LIPC: variants seen among roughly 807,000 people sequenced by gnomAD.
The protein encoded by LIPC is lipase C, hepatic type.
LIPC carries 44 observed loss-of-function variants against 50.7 expected under a neutral mutation model. The ratio of observed to expected loss-of-function variants is 0.87; its 90% CI spans 0.68 to 1.11. The LOEUF (loss-of-function observed/expected upper bound fraction) is 1.11, where lower values mean the gene tolerates loss of function less well. LIPC is among the 50% of genes most tolerant of loss of function. LIPC has a pLI of 0.00. For synonymous variants in LIPC, 271 were observed against 256.4 expected (o/e 1.06, Z -0.54); for missense variants, 697 against 648.2 (o/e 1.08, Z -0.82).
At chr15:58,496,970 C>G (rs1891793983) in intron 1 of LIPC, among the ~76,000 whole-genome samples, 1 of 152,174 alleles carries the variant, frequency 6.6e-6, no homozygotes. Context: ...CAGGCATAAG[C>G]CACCGCGCCC....
intron 1 of LIPC, among the ~76,000 whole-genome samples, chr15:58,487,332 G>A (rs1891413919): frequency 6.6e-6 from 1 of 152,184 alleles, no homozygotes; most frequent in Non-Finnish European, 1.5e-5. Flanking sequence ...CTCACAGTGA[G>A]GATTAAACGA....
At chr15:58,533,311 C>T (rs890411913) in intron 1 of LIPC, 1 of 258,662 alleles carries the variant, frequency 3.9e-6, no homozygotes, top group South Asian at 1.5e-4. Context: ...TGAGTCAATA[C>T]AAATAAGACT....
In LIPC at chr15:58,551,869, C is replaced by G. The variant is rs142884409; in HGVS notation, c.1051+3297C>G. Reference sequence around the variant, plus strand: ...TAACTTGGCCTGAATTCCTCTGGCTCCCAAGATATTTCGACAAAACCATCA... The same window carrying G: ...TAACTTGGCCTGAATTCCTCTGGCTGCCAAGATATTTCGACAAAACCATCA... On this transcript the variant is annotated intron_variant, in intron 6 of 8. Transcript: ENST00000299022. Among the ~76,000 whole-genome samples, 1,016 of 152,266 alleles carry G rather than the reference C, an allele frequency of 6.7e-3. 13 individuals carry two copies. The highest frequency in any genetic ancestry group is 0.023 in the African/African-American group (966 of 41,542).
At chr15:58,501,765 A>C (rs1409563576) in intron 1 of LIPC, among the ~76,000 whole-genome samples, 1 of 152,074 alleles carries the variant, frequency 6.6e-6, no homozygotes, top group African/African-American at 2.4e-5. Context: ...AAGCAAACCC[A>C]AATTTCTTTC....
chr15:58,493,405 G>T (rs1377321188), intron 1 of LIPC, among the ~76,000 whole-genome samples: 2 of 151,944 alleles, frequency 1.3e-5, no homozygotes, highest in Non-Finnish European at 2.9e-5. Flanking sequence ...GACTCCATAT[G>T]TGCCTGGCCC....
At chr15:58,542,054 C>A in intron 3 of LIPC, 87 bp downstream of exon 3, 1 of 1,407,548 alleles carries the variant, frequency 7.1e-7, no homozygotes, top group Non-Finnish European at 9.7e-7. Context: ...TCTCCAACAG[C>A]AGCCCAGGCA....
At chr15:58,553,366 T>C (rs1595947671) in intron 6 of LIPC, among the ~76,000 whole-genome samples, 2 of 152,100 alleles carry the variant, frequency 1.3e-5, no homozygotes, top group Non-Finnish European at 2.9e-5. Flanking sequence ...GAGGCCAAGG[T>C]GGGAGGATCT....
intron 1 of LIPC, among the ~76,000 whole-genome samples, chr15:58,467,380 A>G (rs1595873667): frequency 6.6e-6 from 1 of 152,160 alleles, no homozygotes; most frequent in Non-Finnish European, 1.5e-5. Context: ...TTGAGCTCAC[A>G]GTGCCTGATT....
At chr15:58,533,980 C>T (rs1893037337) in intron 1 of LIPC, among the ~76,000 whole-genome samples, 1 of 152,138 alleles carries the variant, frequency 6.6e-6, no homozygotes, top group Non-Finnish European at 1.5e-5. Flanking sequence ...CAGTAGGCCA[C>T]TGGGCAGACA....
intron 1 of LIPC, among the ~76,000 whole-genome samples, chr15:58,461,675 C>T (rs1191634616): frequency 6.6e-6 from 1 of 151,934 alleles, no homozygotes; most frequent in East Asian, 1.9e-4. Context: ...GCCTTGGCCT[C>T]CCAGAATGCT....
chr15:58,483,732 T>C (rs1455040698), intron 1 of LIPC, among the ~76,000 whole-genome samples: 3 of 152,150 alleles, frequency 2.0e-5, no homozygotes, highest in African/African-American at 7.2e-5. Flanking sequence ...TTGTCCTACA[T>C]CAATTTTTTT....
intron 8 of LIPC, 145 bp from the exon 9 acceptor site, chr15:58,568,571 A>G (rs1894460997): frequency 9.2e-6 from 6 of 654,930 alleles, no homozygotes; most frequent in Non-Finnish European, 1.4e-5. Context: ...TGAAGTTACA[A>G]AAATATTTGC....
intron 1 of LIPC, among the ~76,000 whole-genome samples, chr15:58,448,085 A>G (rs1236068933): frequency 6.6e-6 from 1 of 152,152 alleles, no homozygotes; most frequent in Non-Finnish European, 1.5e-5. Flanking sequence ...CTGATGCTCA[A>G]GCCCTTTGCA....
chr15:58,481,563 G>A (rs1278536612), intron 1 of LIPC, among the ~76,000 whole-genome samples: 2 of 152,206 alleles, frequency 1.3e-5, no homozygotes, highest in Non-Finnish European at 2.9e-5. Context: ...CCAGCACTTT[G>A]AGACTGAGGC....
chr15:58,562,582 C>G (rs1432261706), intron 7 of LIPC, among the ~76,000 whole-genome samples: 2 of 152,162 alleles, frequency 1.3e-5, no homozygotes. Context: ...TCACCCACTC[C>G]AGAGATGATC....
chr15:58,448,718 T>G (rs1595856633), intron 1 of LIPC, among the ~76,000 whole-genome samples: 2 of 152,248 alleles, frequency 1.3e-5, no homozygotes, highest in Admixed American at 6.5e-5. Context: ...ATTGTCCCCA[T>G]TTTAAAAATG....
intron 1 of LIPC, among the ~76,000 whole-genome samples, chr15:58,528,803 G>A (rs536108892): frequency 7.4e-4 from 112 of 152,348 alleles, no homozygotes; most frequent in African/African-American, 2.5e-3. Flanking sequence ...TTCTCACTGA[G>A]TATAAGGCAC....
chr15:58,545,616 A>G, intron 4 of LIPC, 126 bp from the exon 5 acceptor site: 1 of 791,770 alleles, frequency 1.3e-6, no homozygotes, highest in South Asian at 1.6e-5. Flanking sequence ...CTAGGGAAGG[A>G]TCAGCCCTAC....
intron 1 of LIPC, among the ~76,000 whole-genome samples, chr15:58,506,702 C>T (rs1892159818): frequency 6.6e-6 from 1 of 152,244 alleles, no homozygotes; most frequent in Admixed American, 6.5e-5. Flanking sequence ...CTATTCAAAG[C>T]TGGCTGTGTT....
Sources: gnomAD v4.1 joint callset for allele counts (sites outside exome capture counted in the v4.1 genomes callset) on GRCh38, gnomAD v4.1.1 for gene constraint, MANE v1.5 for transcripts, NCBI Gene and HGNC (gene_info 2026-07-23, HGNC 2026-07-21) for gene names.